Variants in DRC1 observed in about 807,000 individuals in gnomAD.
DRC1 encodes dynein regulatory complex protein 1.
A neutral mutation model predicts 98.7 loss-of-function variants in DRC1; 74 were observed. The observed-to-expected ratio is 0.75, with a 90% CI of 0.62 to 0.91. DRC1 has a LOEUF of 0.91. Ranked by LOEUF, DRC1 falls within the 40% of genes least tolerant of loss-of-function variation. The pLI is 0.00. For missense variants in DRC1, 875 were observed against 886.0 expected (o/e 0.99, Z 0.16); for synonymous variants, 336 against 334.1 (o/e 1.01, Z -0.06).
At chr2:26,434,534 T>C (rs925898588) in intron 7 of DRC1, among the ~76,000 whole-genome samples, 1 of 152,218 alleles carries the variant, frequency 6.6e-6, no homozygotes, top group Non-Finnish European at 1.5e-5. Context: ...TAATTTACAT[T>C]GTGCAAAGCA....
intron 13 of DRC1, 125 bp from the exon 14 acceptor site, chr2:26,453,195 T>C: frequency 8.8e-7 from 1 of 1,139,528 alleles, no homozygotes; most frequent in Admixed American, 2.2e-5. Context: ...TGTCCCTGTG[T>C]AAATGTCTCC....
intron 10 of DRC1, chr2:26,448,341 C>G (rs1295542392): frequency 2.0e-6 from 1 of 500,550 alleles, no homozygotes; most frequent in East Asian, 6.2e-5. Context: ...CTTGCTAGAT[C>G]ATCTCTGAAA....
At position 26,454,583 on chromosome 2, in the gene DRC1, G is replaced by A. The variant is rs1664090323; in HGVS notation, c.1920-64G>A. ...TGGGAAAGCAGTAGGCCTGTGACTG[G>A]CACTGCCTGGGGGCCTGGGTAGTAC... On this transcript the variant is annotated intron_variant, in intron 14 of 16. Transcript: ENST00000288710. The surrounding 1 kb of genome is among the most constrained non-coding windows in gnomAD (Gnocchi z 5.2). 6.3e-7 allele frequency: 1 copy of A among 1,591,206 alleles called. No homozygotes were observed. The highest frequency in any genetic ancestry group is 8.6e-7 in the Non-Finnish European group (1 of 1,166,596).
chr2:26,422,785 C>T (rs1467966410), intron 3 of DRC1, among the ~76,000 whole-genome samples: 5 of 151,812 alleles, frequency 3.3e-5, no homozygotes, highest in East Asian at 1.9e-4. Context: ...GGTGTGGTGG[C>T]GCGTGCACAC....
chr2:26,415,670 G>A (rs920801773), intron 2 of DRC1, among the ~76,000 whole-genome samples: 10 of 152,152 alleles, frequency 6.6e-5, no homozygotes, highest in Non-Finnish European at 1.3e-4. Flanking sequence ...GGTGGCTCAC[G>A]TCTATGATCC....
At chr2:26,413,484 G>T (rs1678689663) in intron 1 of DRC1, among the ~76,000 whole-genome samples, 1 of 152,152 alleles carries the variant, frequency 6.6e-6, no homozygotes, top group African/African-American at 2.4e-5. Flanking sequence ...GGAAAGCTGG[G>T]CTCCCACCTG....
At chr2:26,423,635 C>A (rs564387602) in intron 3 of DRC1, among the ~76,000 whole-genome samples, 1 of 152,288 alleles carries the variant, frequency 6.6e-6, no homozygotes, top group African/African-American at 2.4e-5. Flanking sequence ...TTCCACTAGT[C>A]ATTTATTGGT....
chr2:26,445,019 C>T (rs1404255077), intron 10 of DRC1, 71 bp downstream of exon 10: 35 of 1,489,966 alleles, frequency 2.3e-5, no homozygotes, highest in Middle Eastern at 3.5e-4. Context: ...AAGCCAGTCA[C>T]GTTAGAGATA....
intron 4 of DRC1, among the ~76,000 whole-genome samples, chr2:26,429,238 C>G (rs1663366882): frequency 6.7e-6 from 1 of 150,262 alleles, no homozygotes; most frequent in African/African-American, 2.5e-5. Context: ...ATTATTGAGA[C>G]AGGATCTTGC....
At chr2:26,416,657 C>T (rs1227051736) in intron 2 of DRC1, among the ~76,000 whole-genome samples, 5 of 152,108 alleles carry the variant, frequency 3.3e-5, no homozygotes, top group African/African-American at 1.2e-4. Flanking sequence ...GACCCAGCAC[C>T]GTTTACTGAA....
intron 4 of DRC1, among the ~76,000 whole-genome samples, chr2:26,428,199 G>C (rs892077911): frequency 6.6e-6 from 1 of 152,162 alleles, no homozygotes; most frequent in Non-Finnish European, 1.5e-5. Flanking sequence ...CTTTTAACTA[G>C]AAGTAAAAGC....
rs116093055 is a variant in DRC1 at position 26,430,477 on chromosome 2, G to T, written c.679-309G>T. On this transcript the variant is annotated intron_variant, in intron 5 of 16. Coordinates refer to ENST00000288710, the MANE Select transcript of DRC1 (RefSeq NM_145038.5). ...TAGTCACAGTTGAATTACACACCAT[G>T]GCCTGCCGTGTGACTGCCAACAGGG... 2,521 of 508,080 alleles carry T rather than the reference G, an allele frequency of 5.0e-3. 43 individuals are homozygous for T. Among genetic ancestry groups the T allele is most frequent in the African/African-American group, 0.043 (2,218 of 51,722 alleles). The allele number at this position is 508,080 out of a possible 1,614,324, so 31.5% of individuals were successfully genotyped here.
chr2:26,408,925 T>G (rs1238459672), intron 1 of DRC1, among the ~76,000 whole-genome samples: 3 of 152,042 alleles, frequency 2.0e-5, no homozygotes, highest in Non-Finnish European at 2.9e-5. Context: ...AAATTTATTT[T>G]TATTATTTAT....
intron 8 of DRC1, 112 bp from the exon 9 acceptor site, chr2:26,444,110 T>A (rs1454782897): frequency 2.0e-6 from 3 of 1,470,196 alleles, no homozygotes; most frequent in Non-Finnish European, 2.8e-6. Flanking sequence ...GGTTTTCTGC[T>A]CTTCCACAGA....
At chr2:26,402,207 T>A in intron 1 of DRC1, 63 bp downstream of exon 1, 6 of 1,483,062 alleles carry the variant, frequency 4.0e-6, no homozygotes, top group Non-Finnish European at 5.3e-6. Flanking sequence ...GCTGGTTTCC[T>A]GATGAAATAG....
rs200652266 is a variant in DRC1, at chr2:26,455,088, A to G, written c.2064-43A>G. On this transcript the variant is annotated intron_variant, in intron 15 of 16. Coordinates refer to ENST00000288710, the MANE Select transcript of DRC1 (RefSeq NM_145038.5). The stretch of plus-strand genomic sequence containing the variant: ...GACCCTGGCCCCTACTTGGCAGAGG[A>G]TGGAGGATTCAGTGAGCCTCTAACC... The G allele has an allele frequency of 5.8e-4, 926 of 1,605,080 alleles. 10 individuals are homozygous for G. The African/African-American group carries it at 0.011, about 20-fold the overall frequency.
At position 26,454,859 on chromosome 2, in the gene DRC1, G is replaced by T; in HGVS notation, c.2063+69G>T. The T allele has an allele frequency of 6.2e-7, 1 of 1,600,948 alleles. No homozygotes were observed. Among genetic ancestry groups the T allele is most frequent in the Non-Finnish European group, 8.5e-7 (1 of 1,172,100 alleles). On this transcript the variant is annotated intron_variant, in intron 15 of 16. Coordinates refer to ENST00000288710, the MANE Select transcript of DRC1 (RefSeq NM_145038.5). This position sits in a 1 kb window ranked among gnomAD's most constrained non-coding sequence, Gnocchi z 5.2. Reference sequence around the variant, plus strand: ...TGAGGAACGGTTGTTGGGAGCAGCCGCGTTTGCTGCCTCCCTGTCCCACTG... The same window carrying T: ...TGAGGAACGGTTGTTGGGAGCAGCCTCGTTTGCTGCCTCCCTGTCCCACTG...
At position 26,454,599 on chromosome 2, in the gene DRC1, T is replaced by C. The variant is rs755039262; in HGVS notation, c.1920-48T>C. 6.2e-7 allele frequency: 1 copy of C among 1,605,414 alleles called. No homozygotes were observed. The highest frequency in any genetic ancestry group is 8.5e-7 in the Non-Finnish European group (1 of 1,174,684). ...CTGTGACTGGCACTGCCTGGGGGCC[T>C]GGGTAGTACCCAATGGACATGACAA... On this transcript the variant is annotated intron_variant, in intron 14 of 16. Transcript: ENST00000288710. The surrounding 1 kb of genome is among the most constrained non-coding windows in gnomAD (Gnocchi z 5.2).
intron 1 of DRC1, among the ~76,000 whole-genome samples, chr2:26,414,115 C>CATTATTATTATTATTATTATTATT (rs3067393): frequency 3.9e-3 from 557 of 144,488 alleles, no homozygotes; most frequent in African/African-American, 0.012. Context: ...ACAATGGAAC[C>CATTATTATTATTATTATTATTATT]ATTATTATTA....
Sources: allele counts gnomAD v4.1 joint callset (sites outside exome capture counted in the v4.1 genomes callset), GRCh38; gene constraint gnomAD v4.1.1; non-coding constraint Gnocchi (gnomAD v3.1); transcripts MANE v1.5; gene names NCBI Gene and HGNC (gene_info 2026-07-23, HGNC 2026-07-21).